FOXP2: variants seen among roughly 807,000 people sequenced by gnomAD.
The protein encoded by FOXP2 is forkhead box protein P2.
In FOXP2, 12 loss-of-function variants were observed where a neutral mutation model predicts 115.8. The observed-to-expected ratio is 0.10, with a 90% CI of 0.07 to 0.17. The LOEUF (loss-of-function observed/expected upper bound fraction) is 0.17, where lower values mean the gene tolerates loss of function less well. Ranked by LOEUF, FOXP2 falls within the 10% of genes least tolerant of loss-of-function variation. FOXP2 has a pLI of 1.00. For synonymous variants in FOXP2, 328 were observed against 297.7 expected (o/e 1.10, Z -1.05); for missense variants, 629 against 843.5 (o/e 0.75, Z 3.15).
At chr7:114,565,652 T>A (rs1056034030) in intron 3 of FOXP2, among the ~76,000 whole-genome samples, 3 of 152,156 alleles carry the variant, frequency 2.0e-5, no homozygotes, top group African/African-American at 4.8e-5. Context: ...AAAGCATAAC[T>A]TTTTACAAAT....
rs200853525 is a variant in FOXP2, at chr7:114,212,122, AAT to A, written c.-102+49047_-102+49048del. On this transcript the variant is annotated intron_variant, in intron 1 of 17. Coordinates refer to the FOXP2 transcript ENST00000634411. Reference sequence around the variant, plus strand: ...AATAAAATAAAATAAAATAAAATAAAATATATATATATATTCTTTGTTTCCTT... The same window carrying A: ...AATAAAATAAAATAAAATAAAATAAAATATATATATATTCTTTGTTTCCTT... 3.8e-5 allele frequency among the ~76,000 whole-genome samples: 5 copies of A among 131,038 alleles called. No individual in the cohort carries two copies. The East Asian group carries it at 6.6e-4, about 17-fold the overall frequency. The allele number at this position is 131,038 out of a possible 152,430, so 86.0% of individuals were successfully genotyped here.
At chr7:114,271,683 A>T (rs1796052025) in intron 1 of FOXP2, among the ~76,000 whole-genome samples, 1 of 117,672 alleles carries the variant, frequency 8.5e-6, no homozygotes, top group Non-Finnish European at 1.6e-5. Flanking sequence ...TTAAAATTAT[A>T]TTTAATAATA....
intron 1 of FOXP2, among the ~76,000 whole-genome samples, chr7:114,122,136 A>G (rs974919852): frequency 2.6e-5 from 4 of 151,274 alleles, no homozygotes; most frequent in South Asian, 4.2e-4. Context: ...GTAAATAACT[A>G]TTTTTCTTGG....
intron 2 of FOXP2, among the ~76,000 whole-genome samples, chr7:114,461,430 A>T (rs1795555190): frequency 6.6e-6 from 1 of 151,350 alleles, no homozygotes; most frequent in Non-Finnish European, 1.5e-5. Context: ...ATTCTATTTG[A>T]CCATGATTGT....
At chr7:114,153,215 C>G (rs1405284068) in intron 1 of FOXP2, among the ~76,000 whole-genome samples, 2 of 152,008 alleles carry the variant, frequency 1.3e-5, no homozygotes, top group Non-Finnish European at 2.9e-5. Context: ...TTTTCCTTAT[C>G]TGTATCTCTT....
At position 114,303,179 on chromosome 7, in the gene FOXP2, T is replaced by A. The variant is rs145789478; in HGVS notation, c.-11+15070T>A. 1.4e-4 allele frequency among the ~76,000 whole-genome samples: 21 copies of A among 152,242 alleles called. No individual in the cohort carries two copies. The East Asian group carries it at 3.5e-3, about 25-fold the overall frequency. ...TGAATCATTGAAATAAAACCCCATA[T>A]CACTTATTGTTAAATGAGTAATTGT... On this transcript the variant is annotated intron_variant, in intron 2 of 17. Transcript: ENST00000634411.
At chr7:114,434,056 G>C (rs1794228989) in intron 2 of FOXP2, among the ~76,000 whole-genome samples, 1 of 151,932 alleles carries the variant, frequency 6.6e-6, no homozygotes, top group Non-Finnish European at 1.5e-5. Flanking sequence ...ATATACTCAT[G>C]TTATTACTCA....
intron 3 of FOXP2, among the ~76,000 whole-genome samples, chr7:114,587,607 C>A (rs1354411416): frequency 6.6e-6 from 1 of 151,710 alleles, no homozygotes; most frequent in African/African-American, 2.4e-5. Context: ...AGCTTTAATT[C>A]TTTGAATAAA....
At chr7:114,347,354 A>G (rs1354403566) in intron 2 of FOXP2, among the ~76,000 whole-genome samples, 1 of 152,014 alleles carries the variant, frequency 6.6e-6, no homozygotes, top group Non-Finnish European at 1.5e-5. Context: ...ACACACGCAT[A>G]TACGTATATG....
At chr7:114,645,020 G>A (rs1300844745) in intron 8 of FOXP2, 7 of 399,250 alleles carry the variant, frequency 1.8e-5, no homozygotes, top group Non-Finnish European at 3.2e-5. Flanking sequence ...AAAAATATTA[G>A]CCTACAATAA....
At chr7:114,538,849 C>T (rs1028600529) in intron 3 of FOXP2, among the ~76,000 whole-genome samples, 1 of 151,678 alleles carries the variant, frequency 6.6e-6, no homozygotes, top group Admixed American at 6.6e-5. Flanking sequence ...ATCCAGAAAC[C>T]GTGCCTTGGA....
chr7:114,441,357 G>T (rs1794597917), intron 2 of FOXP2, among the ~76,000 whole-genome samples: 1 of 152,030 alleles, frequency 6.6e-6, no homozygotes, highest in Admixed American at 6.6e-5. Context: ...GGAGGCTGAG[G>T]CAGCAGAATC....
At chr7:114,337,388 ATATT>A (rs777398953) in intron 2 of FOXP2, among the ~76,000 whole-genome samples, 11 of 151,406 alleles carry the variant, frequency 7.3e-5, no homozygotes, top group Non-Finnish European at 1.2e-4. Context: ...TTCTCAATAT[ATATT>A]TATTTTTCTT....
At chr7:114,588,345 CA>C (rs779323505) in intron 3 of FOXP2, among the ~76,000 whole-genome samples, 44 of 151,656 alleles carry the variant, frequency 2.9e-4, no homozygotes, top group African/African-American at 8.9e-4. Context: ...AACAAACAAA[CA>C]AAAAAACTTT....
chr7:114,290,310 A>G (rs1171725356), intron 2 of FOXP2, among the ~76,000 whole-genome samples: 1 of 152,002 alleles, frequency 6.6e-6, no homozygotes, highest in Non-Finnish European at 1.5e-5. Context: ...GTTTCATACA[A>G]CTTATAACTG....
intron 2 of FOXP2, among the ~76,000 whole-genome samples, chr7:114,507,835 C>T (rs761734325): frequency 4.0e-5 from 6 of 151,786 alleles, no homozygotes; most frequent in Non-Finnish European, 5.9e-5. Flanking sequence ...TAGTTTTTAC[C>T]AGTACACATT....
chr7:114,188,714 T>C (rs1793678292), intron 1 of FOXP2, among the ~76,000 whole-genome samples: 1 of 152,176 alleles, frequency 6.6e-6, no homozygotes, highest in African/African-American at 2.4e-5. Context: ...CTCAAATATG[T>C]TTGTTTAATG....
intron 2 of FOXP2, among the ~76,000 whole-genome samples, chr7:114,317,803 C>T (rs948439469): frequency 6.6e-6 from 1 of 151,974 alleles, no homozygotes; most frequent in African/African-American, 2.4e-5. Flanking sequence ...AATTTCAGAT[C>T]TTATTACCCT....
At chr7:114,154,588 A>G (rs2129149330) in intron 1 of FOXP2, among the ~76,000 whole-genome samples, 1 of 152,268 alleles carries the variant, frequency 6.6e-6, no homozygotes, top group South Asian at 2.1e-4. Flanking sequence ...TGAAATGGTT[A>G]ATGTGAACTT....
Sources: gnomAD v4.1 joint callset for allele counts (sites outside exome capture counted in the v4.1 genomes callset) on GRCh38, gnomAD v4.1.1 for gene constraint, MANE v1.5 for transcripts, NCBI Gene and HGNC (gene_info 2026-07-23, HGNC 2026-07-21) for gene names.